TTK: variants seen among roughly 807,000 people sequenced by gnomAD.
TTK encodes TTK protein kinase.
In TTK, 59 loss-of-function variants were observed where a neutral mutation model predicts 117.3. The observed-to-expected ratio is 0.50, with a 90% CI of 0.41 to 0.62. TTK has a LOEUF of 0.62. TTK is among the 20% of genes least tolerant of loss of function. TTK has a pLI of 0.00. For missense variants in TTK, 921 were observed against 989.4 expected, an observed-to-expected ratio of 0.93 and a Z score of 0.93; for synonymous variants, 302 against 325.0, an observed-to-expected ratio of 0.93 and a Z score of 0.76.
rs1308258900 is a variant in TTK at position 80,035,254 on chromosome 6, G to T, written c.1773-12G>T. 1 of 1,575,650 alleles carries T rather than the reference G, an allele frequency of 6.3e-7. No homozygotes were observed. Among genetic ancestry groups the T allele is most frequent in the Admixed American group, 1.9e-5 (1 of 51,578 alleles). ...ATTTATTGTTTTGTTGCTTTTATTT[G>T]TTTAATTGCAGTGAAATCACGGACC... On this transcript the variant is annotated splice_polypyrimidine_tract_variant and intron_variant, in intron 15 of 21. Transcript: ENST00000369798.
rs200207796 is a variant in TTK at position 80,007,828 on chromosome 6, C to T, written c.159C>T (p.Asn53=). The T allele has an allele frequency of 1.6e-5, 26 of 1,610,808 alleles. No individual in the cohort carries two copies. The East Asian group carries it at 5.4e-4, about 33-fold the overall frequency. ...ADTTDNSGTV[N]QIMMMANNPE... ...ATTTAGATAACTCGGGAACTGTTAACCAAATTATGATGATGGCAAACAACC... is the reference window on the plus strand; with the variant it reads ...ATTTAGATAACTCGGGAACTGTTAATCAAATTATGATGATGGCAAACAACC... The change falls in exon 3 of 22, where the codon AAC becomes AAT. Residue 53 remains asparagine, a synonymous_variant. Transcript: ENST00000369798.
At position 80,011,315 on chromosome 6, in the gene TTK, T is replaced by A. The variant is rs239557; in HGVS notation, c.614-119T>A. ...GGTATCATCTTCATGTCTGCATATC[T>A]TACTTGGGGACAAGTATTTCCTATG... On this transcript the variant is annotated intron_variant, in intron 5 of 21. Coordinates refer to ENST00000369798, the MANE Select transcript of TTK (RefSeq NM_003318.5). 22,535 of 633,680 alleles carry A rather than the reference T, an allele frequency of 0.036. 3,822 individuals carry two copies. The African/African-American group carries it at 0.37, about 10-fold the overall frequency. The allele number at this position is 633,680 out of a possible 1,614,324, so 39.3% of individuals were successfully genotyped here.
At chr6:80,040,109 A>G (rs1412996101) in intron 19 of TTK, 87 bp from the exon 20 acceptor site, 1 of 1,121,556 alleles carries the variant, frequency 8.9e-7, no homozygotes, top group East Asian at 2.9e-5. Flanking sequence ...AACTTTTATA[A>G]TATAATGTAA....
At chr6:80,038,304 A>G (rs984881484) in intron 18 of TTK, among the ~76,000 whole-genome samples, 1 of 152,128 alleles carries the variant, frequency 6.6e-6, no homozygotes, top group African/African-American at 2.4e-5. Context: ...CACTGACTTT[A>G]TCTCGCTACC....
Position 80,042,415 on chromosome 6 carries a change from C to CCTG in TTK, c.*213_*214insCTG. 3.1e-6 allele frequency: 1 copy of CCTG among 320,910 alleles called. No individual in the cohort carries two copies. Among genetic ancestry groups the CCTG allele is most frequent in the Non-Finnish European group, 5.8e-6 (1 of 172,612 alleles). 19.9% of individuals were successfully genotyped at this position (320,910 alleles called of 1,614,324 possible). A position where few individuals can be genotyped will look rare whatever the true frequency, so the allele number is the denominator to read the frequency against. The stretch of plus-strand genomic sequence containing the variant: ...GTAGACTTGTTTTCTCTGTTTTATG[C>CCTG]TCTTGTGTAATCTACTTGACATCAT... On this transcript the variant is annotated 3_prime_UTR_variant, in exon 22 of 22. Transcript: ENST00000369798.
At chr6:80,018,064 A>T (rs1397031205) in intron 10 of TTK, among the ~76,000 whole-genome samples, 1 of 152,042 alleles carries the variant, frequency 6.6e-6, no homozygotes, top group Non-Finnish European at 1.5e-5. Flanking sequence ...GGTCCCAGCT[A>T]TGCAGGAGGC....
chr6:80,036,872 C>T lies in TTK; in HGVS notation c.2049+273C>T, dbSNP rs6906471. Among the ~76,000 whole-genome samples, 1,099 of 152,124 alleles carry T rather than the reference C, an allele frequency of 7.2e-3. 15 individuals are homozygous for T. Among genetic ancestry groups the T allele is most frequent in the African/African-American group, 0.025 (1,055 of 41,540 alleles). On this transcript the variant is annotated intron_variant, in intron 17 of 21. Coordinates refer to ENST00000369798, the MANE Select transcript of TTK (RefSeq NM_003318.5). ...ATACCTTCCTTGGAAATCACTTGGT[C>T]GTGATCAAAAATTGACCTGAAAATT...
At chr6:80,041,507 C>T (rs1294089590) in intron 21 of TTK, among the ~76,000 whole-genome samples, 1 of 151,466 alleles carries the variant, frequency 6.6e-6, no homozygotes, top group Admixed American at 6.6e-5. Flanking sequence ...TGTAATTGCT[C>T]TGTATTTTGT....
intron 11 of TTK, among the ~76,000 whole-genome samples, chr6:80,023,461 T>C (rs570488274): frequency 7.6e-4 from 116 of 151,896 alleles, no homozygotes; most frequent in Non-Finnish European, 1.3e-3. Context: ...GGTGTGGTGG[T>C]GGGCGCCTGT....
intron 11 of TTK, among the ~76,000 whole-genome samples, chr6:80,024,331 A>T (rs1322479417): frequency 1.3e-5 from 2 of 152,246 alleles, no homozygotes; most frequent in Non-Finnish European, 2.9e-5. Context: ...CATTTTCATA[A>T]TTGCCAAAAA....
intron 9 of TTK, 57 bp downstream of exon 9, chr6:80,013,423 T>G (rs2127717513): frequency 7.3e-7 from 1 of 1,379,132 alleles, no homozygotes. Flanking sequence ...GGAGGATCAG[T>G]ATTCATGGAG....
At chr6:80,020,321 T>C (rs972448375) in intron 10 of TTK, among the ~76,000 whole-genome samples, 1 of 152,180 alleles carries the variant, frequency 6.6e-6, no homozygotes, top group Non-Finnish European at 1.5e-5. Context: ...ATCCTTTTTT[T>C]CCCCTTTTTT....
At chr6:80,026,964 T>C (rs1767623504) in intron 12 of TTK, among the ~76,000 whole-genome samples, 1 of 152,190 alleles carries the variant, frequency 6.6e-6, no homozygotes, top group African/African-American at 2.4e-5. Context: ...TCTGGAGGTA[T>C]TCAAAGGTGT....
intron 13 of TTK, among the ~76,000 whole-genome samples, chr6:80,030,979 A>T (rs781361139): frequency 9.3e-5 from 14 of 150,704 alleles, no homozygotes; most frequent in Non-Finnish European, 1.6e-4. Context: ...TGGGAGGCAG[A>T]GGGTGCAGTG....
rs201263808 is a variant in TTK, at chr6:80,031,582, G to A, written c.1614+23G>A. The A allele has an allele frequency of 1.2e-3, 1,697 of 1,426,134 alleles. 6 individuals carry two copies. Among genetic ancestry groups the A allele is most frequent in the Middle Eastern group, 2.6e-3 (12 of 4,654 alleles). The allele number at this position is 1,426,134 out of a possible 1,614,324, so 88.3% of individuals were successfully genotyped here. A position where few individuals can be genotyped will look rare whatever the true frequency, so the allele number is the denominator to read the frequency against. ...AAGGTAAGTATCTTAAAATATTTAC[G>A]AAATAAATAAAAATATTTTAAACTT... On this transcript the variant is annotated intron_variant, in intron 14 of 21. Transcript: ENST00000369798.
At chr6:80,028,344 G>A (rs1425955754) in intron 13 of TTK, among the ~76,000 whole-genome samples, 1 of 150,874 alleles carries the variant, frequency 6.6e-6, no homozygotes, top group Non-Finnish European at 1.5e-5. Flanking sequence ...TTGAGACAGA[G>A]TCTCGCTCTA....
chr6:80,021,707 T>A (rs1302458606), intron 10 of TTK, among the ~76,000 whole-genome samples: 1 of 152,112 alleles, frequency 6.6e-6, no homozygotes, highest in Non-Finnish European at 1.5e-5. Flanking sequence ...GGAGGTATGG[T>A]TTGTGTCATC....
chr6:80,029,034 T>C (rs546036693), intron 13 of TTK, among the ~76,000 whole-genome samples: 5 of 152,168 alleles, frequency 3.3e-5, no homozygotes, highest in Non-Finnish European at 5.9e-5. Flanking sequence ...ATACAGAGCA[T>C]GACACTTAGT....
chr6:80,030,871 C>T (rs1319230443), intron 13 of TTK, among the ~76,000 whole-genome samples: 2 of 151,724 alleles, frequency 1.3e-5, no homozygotes, highest in African/African-American at 2.4e-5. Flanking sequence ...TATAATATAA[C>T]GCTAAATGAG....
Sources: gnomAD v4.1 joint callset for allele counts (sites outside exome capture counted in the v4.1 genomes callset) on GRCh38, gnomAD v4.1.1 for gene constraint, MANE v1.5 for transcripts, NCBI Gene and HGNC (gene_info 2026-07-23, HGNC 2026-07-21) for gene names.